DCDC1: variants seen among roughly 807,000 people sequenced by gnomAD.
DCDC1 encodes doublecortin domain containing 1.
A neutral mutation model predicts 178.3 loss-of-function variants in DCDC1; 200 were observed. The observed-to-expected ratio is 1.12, with a 90% CI of 1.00 to 1.26. The LOEUF (loss-of-function observed/expected upper bound fraction) is 1.26, where lower values mean the gene tolerates loss of function less well. Ranked by LOEUF, DCDC1 falls within the 50% of genes most tolerant of loss-of-function variation. The probability of loss-of-function intolerance (pLI) is 0.00; values close to 1 mark genes in which losing one functional copy is unlikely to be tolerated. For synonymous variants in DCDC1, 690 were observed against 604.8 expected (o/e 1.14, Z -2.07); for missense variants, 1,983 against 1,749.2 (o/e 1.13, Z -2.38).
At chr11:31,315,069 G>A (rs1159014621) in intron 3 of DCDC1, among the ~76,000 whole-genome samples, 2 of 152,070 alleles carry the variant, frequency 1.3e-5, no homozygotes, top group African/African-American at 4.8e-5. Context: ...TAGACCATAA[G>A]AATTAAGGAG....
In DCDC1 at chr11:31,064,751, TC is replaced by T. The variant is rs1417985834; in HGVS notation, c.2434-126del. The T allele has an allele frequency of 4.9e-6, 3 of 612,496 alleles. No homozygotes were observed. In the East Asian group the frequency reaches 8.0e-5, roughly 16 times the overall value. The allele number at this position is 612,496 out of a possible 1,614,324, so 37.9% of individuals were successfully genotyped here. ...CTTCAGTGTTTCTACAACACATAAG[TC>T]CTTTGTACGTGGCCAAAAGAAAAGA... On this transcript the variant is annotated intron_variant, in intron 19 of 38. Transcript: ENST00000684477.
At chr11:30,865,709 T>C (rs1940919398) in intron 38 of DCDC1, among the ~76,000 whole-genome samples, 1 of 152,100 alleles carries the variant, frequency 6.6e-6, no homozygotes, top group Non-Finnish European at 1.5e-5. Context: ...CGATAAGTCT[T>C]CCTTTTACAG....
chr11:31,143,989 C>A (rs1421929958), intron 9 of DCDC1, among the ~76,000 whole-genome samples: 15 of 152,080 alleles, frequency 9.9e-5, no homozygotes. Context: ...AAAGAAACCA[C>A]CATAATATTT....
chr11:31,218,445 T>G (rs1234435183), intron 9 of DCDC1, among the ~76,000 whole-genome samples: 1 of 152,166 alleles, frequency 6.6e-6, no homozygotes, highest in African/African-American at 2.4e-5. Context: ...TAACAAAAGA[T>G]TCTGTTTTCC....
intron 21 of DCDC1, 95 bp from the exon 22 acceptor site, chr11:30,932,047 C>A: frequency 8.1e-7 from 1 of 1,231,674 alleles, no homozygotes; most frequent in Non-Finnish European, 1.1e-6. Flanking sequence ...TACCTTTAAT[C>A]TCTCATTCAT....
chr11:31,234,460 T>C (rs1976210975), intron 9 of DCDC1, among the ~76,000 whole-genome samples: 1 of 152,184 alleles, frequency 6.6e-6, no homozygotes, highest in Admixed American at 6.6e-5. Context: ...AAAGCAATGA[T>C]ACCCAAGATG....
chr11:31,113,585 C>T (rs796666756), intron 11 of DCDC1, among the ~76,000 whole-genome samples: 10 of 152,140 alleles, frequency 6.6e-5, no homozygotes, highest in African/African-American at 2.4e-4. Flanking sequence ...TGATGGTTTC[C>T]AGCTTCATCC....
chr11:31,260,085 C>T (rs879493607), intron 8 of DCDC1, among the ~76,000 whole-genome samples: 8 of 152,088 alleles, frequency 5.3e-5, no homozygotes, highest in African/African-American at 4.8e-5. Context: ...GGGATGACAC[C>T]CACTCCAGGA....
rs182186104 is a variant in DCDC1, at chr11:30,915,368, C to T, written c.3653+143G>A. ...ATTTTATTCCCTTCCTCTTCTTTGG[C>T]TAGGATAAAGAATTATCAGCTAAGT... On this transcript the variant is annotated intron_variant, in intron 27 of 38. Coordinates refer to ENST00000684477, the MANE Select transcript of DCDC1 (RefSeq NM_001387274.1). The T allele has an allele frequency of 3.7e-6, 3 of 814,002 alleles. No homozygotes were observed. In the Admixed American group the frequency reaches 8.5e-5, roughly 23 times the overall value. 50.4% of individuals were successfully genotyped at this position (814,002 alleles called of 1,614,324 possible).
intron 3 of DCDC1, among the ~76,000 whole-genome samples, chr11:31,313,218 G>C (rs1200997459): frequency 6.6e-6 from 1 of 151,954 alleles, no homozygotes; most frequent in Non-Finnish European, 1.5e-5. Flanking sequence ...CTTTCTATTA[G>C]GTTATAAGTT....
At chr11:31,090,061 T>C (rs1957718186) in intron 17 of DCDC1, among the ~76,000 whole-genome samples, 1 of 152,138 alleles carries the variant, frequency 6.6e-6, no homozygotes, top group African/African-American at 2.4e-5. Context: ...ACAGAACTCA[T>C]TTTGCTTCAG....
intron 20 of DCDC1, among the ~76,000 whole-genome samples, chr11:30,955,207 A>C (rs1350154839): frequency 1.3e-5 from 2 of 152,180 alleles, no homozygotes; most frequent in Non-Finnish European, 2.9e-5. Context: ...AAGATATAAA[A>C]GCTTGCTTTG....
At chr11:30,931,744 T>C in intron 22 of DCDC1, 27 bp downstream of exon 22, 1 of 1,586,780 alleles carries the variant, frequency 6.3e-7, no homozygotes, top group Non-Finnish European at 8.6e-7. Context: ...AAAGTGTATT[T>C]AATAAGTATG....
chr11:31,253,168 A>C (rs1447252947), intron 8 of DCDC1, among the ~76,000 whole-genome samples: 1 of 152,202 alleles, frequency 6.6e-6, no homozygotes. Context: ...AATTCATTGC[A>C]AATGTAATTC....
intron 20 of DCDC1, among the ~76,000 whole-genome samples, chr11:31,018,051 C>T (rs1331728969): frequency 6.6e-6 from 1 of 151,856 alleles, no homozygotes; most frequent in East Asian, 1.9e-4. Flanking sequence ...TAATAACTGT[C>T]ATGCCTAAAA....
At chr11:31,330,925 T>A (rs992105217) in intron 2 of DCDC1, among the ~76,000 whole-genome samples, 2 of 152,208 alleles carry the variant, frequency 1.3e-5, no homozygotes, top group Non-Finnish European at 2.9e-5. Flanking sequence ...TTTTTCCAAT[T>A]CTGTGAAGTC....
intron 36 of DCDC1, 96 bp from the exon 37 acceptor site, chr11:30,881,404 TTTGA>T: frequency 7.0e-7 from 1 of 1,429,734 alleles, no homozygotes; most frequent in Non-Finnish European, 9.5e-7. Context: ...ATTATCCCAG[TTTGA>T]TTATTTGCCC....
chr11:31,306,182 A>G (rs1353875962), intron 5 of DCDC1, 50 bp downstream of exon 5: 2 of 1,395,766 alleles, frequency 1.4e-6, no homozygotes, highest in Non-Finnish European at 1.9e-6. Context: ...TATTATAAAG[A>G]GAGTAAGGGA....
intron 9 of DCDC1, among the ~76,000 whole-genome samples, chr11:31,223,652 G>A (rs978401107): frequency 1.3e-5 from 2 of 152,078 alleles, no homozygotes; most frequent in Non-Finnish European, 2.9e-5. Flanking sequence ...ACAATAAAAT[G>A]AATAAATTAC....
Sources: allele counts gnomAD v4.1 joint callset (sites outside exome capture counted in the v4.1 genomes callset), GRCh38; gene constraint gnomAD v4.1.1; transcripts MANE v1.5; gene names NCBI Gene and HGNC (gene_info 2026-07-23, HGNC 2026-07-21).